The following TNFSF4 variants were observed in gnomAD, a reference collection of about 807,000 sequenced individuals.
The protein encoded by TNFSF4 is tumor necrosis factor ligand superfamily member 4.
TNFSF4 carries 4 observed loss-of-function variants against 7.3 expected under a neutral mutation model. The observed-to-expected ratio is 0.55, with a 90% confidence interval of 0.27 to 1.25. The LOEUF (loss-of-function observed/expected upper bound fraction) is 1.25. Ranked by LOEUF, TNFSF4 falls within the 50% of genes most tolerant of loss-of-function variation. TNFSF4 has a pLI of 0.12. For missense variants in TNFSF4, 181 were observed against 208.8 expected, an observed-to-expected ratio of 0.87 and a Z score of 0.82; for synonymous variants, 76 against 83.7, an observed-to-expected ratio of 0.91 and a Z score of 0.50.
At chr1:173,365,297 T>G in the TNFSF4 span, among the ~76,000 whole-genome samples, 2 of 152,234 alleles carry the variant, frequency 1.3e-5, no homozygotes, top group Non-Finnish European at 2.9e-5. Context: ...TAACAAGAAT[T>G]TTGTAATATC....
At chr1:173,180,154 C>T (rs1177762596), downstream of TNFSF4, among the ~76,000 whole-genome samples, 2 of 152,126 alleles carry the variant, frequency 1.3e-5, no homozygotes, top group East Asian at 3.8e-4. Context: ...CAAATTAATT[C>T]CTTCCTTTCT....
the TNFSF4 span, among the ~76,000 whole-genome samples, chr1:173,424,676 C>CA: frequency 1.3e-5 from 2 of 151,666 alleles, no homozygotes; most frequent in African/African-American, 4.8e-5. Flanking sequence ...CCAGGTCCCA[C>CA]AAAAAAGAGT....
chr1:173,302,652 T>C, the TNFSF4 span, among the ~76,000 whole-genome samples: 1 of 151,900 alleles, frequency 6.6e-6, no homozygotes, highest in Non-Finnish European at 1.5e-5. Flanking sequence ...TTCCAAGAAA[T>C]GATCAAGGGC....
At chr1:173,326,226 A>G in the TNFSF4 span, among the ~76,000 whole-genome samples, 3 of 152,254 alleles carry the variant, frequency 2.0e-5, no homozygotes, top group Non-Finnish European at 4.4e-5. Flanking sequence ...GAAAATCAAT[A>G]AACATAATCC....
At chr1:173,323,109 C>T in the TNFSF4 span, among the ~76,000 whole-genome samples, 2 of 152,122 alleles carry the variant, frequency 1.3e-5, no homozygotes, top group South Asian at 2.1e-4. Context: ...CCCTGACCCC[C>T]GAGTAGCCTA....
At chr1:173,333,846 C>T in the TNFSF4 span, among the ~76,000 whole-genome samples, 10 of 152,116 alleles carry the variant, frequency 6.6e-5, no homozygotes, top group Admixed American at 2.6e-4. Context: ...TGTCTTAAGT[C>T]TGCTGGCCAC....
the TNFSF4 span, chr1:173,351,748 G>C: frequency 3.8e-6 from 2 of 520,994 alleles, no homozygotes; most frequent in African/African-American, 3.9e-5. Context: ...GTACGAGTAC[G>C]AGGACACTAT....
At chr1:173,448,543 T>C in the TNFSF4 span, among the ~76,000 whole-genome samples, 1 of 152,056 alleles carries the variant, frequency 6.6e-6, no homozygotes, top group Non-Finnish European at 1.5e-5. Flanking sequence ...GGTGGGGCCA[T>C]TTTATAAGAT....
the TNFSF4 span, among the ~76,000 whole-genome samples, chr1:173,347,678 GA>G: frequency 0.098 from 14,981 of 152,208 alleles, 869 homozygotes; most frequent in East Asian, 0.27. Context: ...AGCATCTCTG[GA>G]ATTTGAAAGA....
At chr1:173,374,690 C>A in the TNFSF4 span, among the ~76,000 whole-genome samples, 1 of 152,164 alleles carries the variant, frequency 6.6e-6, no homozygotes, top group East Asian at 1.9e-4. Context: ...CCCTTTACTG[C>A]AATCCTTTTA....
the TNFSF4 span, among the ~76,000 whole-genome samples, chr1:173,292,030 A>G: frequency 0.011 from 1,645 of 152,100 alleles, 16 homozygotes; most frequent in Middle Eastern, 0.031. Context: ...AAACCAGAAA[A>G]ATTCACAGCT....
chr1:173,347,707 T>C, the TNFSF4 span, among the ~76,000 whole-genome samples: 2 of 152,228 alleles, frequency 1.3e-5, no homozygotes, highest in East Asian at 1.9e-4. Context: ...ACAAGTCATG[T>C]GGAGGGCACT....
chr1:173,267,862 T>A, the TNFSF4 span, among the ~76,000 whole-genome samples: 1 of 143,244 alleles, frequency 7.0e-6, no homozygotes. Context: ...AGAGGAGAAG[T>A]GAGGAGATGA....
At chr1:173,339,690 A>G in the TNFSF4 span, among the ~76,000 whole-genome samples, 1 of 152,172 alleles carries the variant, frequency 6.6e-6, no homozygotes, top group East Asian at 1.9e-4. Context: ...TGGGATATCA[A>G]GGAGAAGAAT....
chr1:173,306,329 G>A, the TNFSF4 span, among the ~76,000 whole-genome samples: 1 of 146,380 alleles, frequency 6.8e-6, no homozygotes, highest in Non-Finnish European at 1.5e-5. Context: ...AGGCTTGGAA[G>A]CCTATAATGA....
At chr1:173,405,593 C>T in the TNFSF4 span, among the ~76,000 whole-genome samples, 5 of 152,306 alleles carry the variant, frequency 3.3e-5, no homozygotes, top group South Asian at 8.3e-4. Flanking sequence ...AGTATACACA[C>T]ATTATTAATG....
chr1:173,416,934 G>A, the TNFSF4 span, among the ~76,000 whole-genome samples: 1 of 152,092 alleles, frequency 6.6e-6, no homozygotes, highest in African/African-American at 2.4e-5. Context: ...CATTCCTGGT[G>A]GAAGGTAAGT....
At chr1:173,281,474 T>C in the TNFSF4 span, among the ~76,000 whole-genome samples, 5 of 152,184 alleles carry the variant, frequency 3.3e-5, no homozygotes, top group East Asian at 7.7e-4. Flanking sequence ...GCACAACATA[T>C]TTCATTTATA....
At chr1:173,356,741 G>A in the TNFSF4 span, among the ~76,000 whole-genome samples, 1 of 152,210 alleles carries the variant, frequency 6.6e-6, no homozygotes, top group Non-Finnish European at 1.5e-5. Flanking sequence ...GCCTTTGAGA[G>A]AGTTCTTTCT....
Sources: allele counts gnomAD v4.1 joint callset (sites outside exome capture counted in the v4.1 genomes callset), GRCh38; gene constraint gnomAD v4.1.1; transcripts MANE v1.5; gene names NCBI Gene and HGNC (gene_info 2026-07-23, HGNC 2026-07-21).